The following NAALADL2 variants were observed in gnomAD, a reference collection of about 807,000 sequenced individuals.
The protein encoded by NAALADL2 is N-acetylated alpha-linked acidic dipeptidase like 2, also known as inactive N-acetylated-alpha-linked acidic dipeptidase-like protein 2.
A neutral mutation model predicts 87.2 loss-of-function variants in NAALADL2; 76 were observed. The observed-to-expected ratio is 0.87, with a 90% CI of 0.72 to 1.05. NAALADL2 has a LOEUF of 1.05. NAALADL2 is among the 50% of genes least tolerant of loss of function. The pLI is 0.00. For synonymous variants in NAALADL2, 354 were observed against 331.0 expected (o/e 1.07, Z -0.75); for missense variants, 1,089 against 945.8 (o/e 1.15, Z -1.99).
intron 5 of NAALADL2, among the ~76,000 whole-genome samples, chr3:175,444,533 C>T (rs936019958): frequency 6.6e-6 from 1 of 152,116 alleles, no homozygotes; most frequent in African/African-American, 2.4e-5. Flanking sequence ...TATGCAGGGC[C>T]TGGTACCTTG....
intron 2 of NAALADL2, among the ~76,000 whole-genome samples, chr3:174,557,429 T>C (rs1414245935): frequency 6.6e-6 from 1 of 152,232 alleles, no homozygotes; most frequent in Non-Finnish European, 1.5e-5. Context: ...TGATGTGTTT[T>C]ATTAATATCA....
At chr3:175,269,911 G>A (rs1398843114) in intron 4 of NAALADL2, among the ~76,000 whole-genome samples, 1 of 152,048 alleles carries the variant, frequency 6.6e-6, no homozygotes, top group East Asian at 1.9e-4. Flanking sequence ...ACATGGTTCA[G>A]AATGAGAGAG....
chr3:175,106,575 A>G (rs1723195031), intron 2 of NAALADL2, among the ~76,000 whole-genome samples: 1 of 152,080 alleles, frequency 6.6e-6, no homozygotes, highest in Non-Finnish European at 1.5e-5. Context: ...AGGTATGTCA[A>G]TTTCCTGTGG....
intron 4 of NAALADL2, among the ~76,000 whole-genome samples, chr3:175,285,230 A>T (rs1754837634): frequency 6.6e-6 from 1 of 152,200 alleles, no homozygotes; most frequent in South Asian, 2.1e-4. Context: ...AGTCAATAGG[A>T]GAATTTTCCC....
intron 5 of NAALADL2, among the ~76,000 whole-genome samples, chr3:175,441,359 A>T (rs1719726781): frequency 6.6e-6 from 1 of 152,164 alleles, no homozygotes; most frequent in Non-Finnish European, 1.5e-5. Flanking sequence ...GTTATATGAA[A>T]ATACTAGGCC....
chr3:175,336,211 A>G (rs886616681), intron 5 of NAALADL2, among the ~76,000 whole-genome samples: 1 of 152,130 alleles, frequency 6.6e-6, no homozygotes, highest in Non-Finnish European at 1.5e-5. Context: ...TAAATTTGTT[A>G]AGGAAATGGA....
chr3:175,418,629 C>A (rs757041294), intron 5 of NAALADL2, among the ~76,000 whole-genome samples: 4 of 151,990 alleles, frequency 2.6e-5, no homozygotes, highest in Non-Finnish European at 4.4e-5. Flanking sequence ...GGCATGCCAG[C>A]CTTCATTGTG....
intron 2 of NAALADL2, among the ~76,000 whole-genome samples, chr3:174,589,676 A>T (rs1382433994): frequency 6.6e-6 from 1 of 152,198 alleles, no homozygotes; most frequent in Non-Finnish European, 1.5e-5. Context: ...AAGCTGTAGT[A>T]TTCATTAGGT....
At chr3:175,618,725 G>T (rs1725718189) in intron 10 of NAALADL2, among the ~76,000 whole-genome samples, 1 of 152,056 alleles carries the variant, frequency 6.6e-6, no homozygotes, top group Non-Finnish European at 1.5e-5. Flanking sequence ...TATTACCAGG[G>T]TCCCAGCGCC....
At chr3:175,276,932 A>T (rs1230002650) in intron 4 of NAALADL2, among the ~76,000 whole-genome samples, 1 of 152,146 alleles carries the variant, frequency 6.6e-6, no homozygotes, top group Non-Finnish European at 1.5e-5. Context: ...CTAACTATTA[A>T]CAGCTGGACT....
intron 5 of NAALADL2, among the ~76,000 whole-genome samples, chr3:175,334,714 G>C (rs1317677248): frequency 6.6e-6 from 1 of 152,152 alleles, no homozygotes; most frequent in Non-Finnish European, 1.5e-5. Context: ...AGATTGTCCA[G>C]AAGCAGGTAC....
chr3:175,610,979 C>T (rs551640384), intron 10 of NAALADL2, among the ~76,000 whole-genome samples: 5 of 152,050 alleles, frequency 3.3e-5, no homozygotes, highest in African/African-American at 1.2e-4. Flanking sequence ...AAGGTGATAT[C>T]AAGATCCCAA....
intron 11 of NAALADL2, among the ~76,000 whole-genome samples, chr3:175,661,797 A>C (rs910043368): frequency 1.3e-5 from 2 of 151,996 alleles, no homozygotes; most frequent in African/African-American, 4.8e-5. Context: ...AAGATGAGTT[A>C]GGTGTAAAGT....
intron 2 of NAALADL2, among the ~76,000 whole-genome samples, chr3:174,680,916 TGAAA>T (rs1056790687): frequency 1.3e-5 from 2 of 152,336 alleles, no homozygotes; most frequent in Admixed American, 6.5e-5. Flanking sequence ...TTCATATTGC[TGAAA>T]GATACACTGA....
intron 4 of NAALADL2, among the ~76,000 whole-genome samples, chr3:175,277,179 A>G (rs1753719823): frequency 6.6e-6 from 1 of 152,114 alleles, no homozygotes; most frequent in Non-Finnish European, 1.5e-5. Context: ...TTCACATTTT[A>G]TTTCTAGCCC....
At chr3:175,181,709 G>T (rs796548910) in intron 2 of NAALADL2, among the ~76,000 whole-genome samples, 10,676 of 52,610 alleles carry the variant, frequency 0.2, 1,043 homozygotes, top group East Asian at 0.29. Flanking sequence ...ATATATGTGT[G>T]TGTGTGTGTA....
chr3:174,617,025 T>A (rs912696153), intron 2 of NAALADL2, among the ~76,000 whole-genome samples: 1 of 151,760 alleles, frequency 6.6e-6, no homozygotes, highest in African/African-American at 2.4e-5. Flanking sequence ...TAAAATAATA[T>A]GATTTGGAAT....
intron 1 of NAALADL2, among the ~76,000 whole-genome samples, chr3:174,879,083 G>T (rs958857155): frequency 5.3e-5 from 8 of 151,950 alleles, no homozygotes; most frequent in Admixed American, 1.3e-4. Context: ...ATTTTTCAAG[G>T]TTATACAAGC....
intron 11 of NAALADL2, among the ~76,000 whole-genome samples, chr3:175,732,072 A>G (rs933406337): frequency 4.6e-5 from 7 of 152,286 alleles, no homozygotes; most frequent in East Asian, 1.9e-4. Context: ...ATGTCAATCT[A>G]TTGCACACAA....
Sources: allele counts gnomAD v4.1 joint callset (sites outside exome capture counted in the v4.1 genomes callset), GRCh38; gene constraint gnomAD v4.1.1; transcripts MANE v1.5; gene names NCBI Gene and HGNC (gene_info 2026-07-23, HGNC 2026-07-21).